Variants in AMBRA1 observed in about 807,000 individuals in gnomAD.
AMBRA1 encodes the protein autophagy and beclin 1 regulator 1, also known as activating molecule in BECN1-regulated autophagy protein 1.
In AMBRA1, 47 loss-of-function variants were observed where a neutral mutation model predicts 125.4. The ratio of observed to expected loss-of-function variants is 0.37; its 90% CI spans 0.30 to 0.48. The LOEUF (loss-of-function observed/expected upper bound fraction) is 0.48. Among genes scored for constraint, AMBRA1 ranks in the 20% least tolerant of loss-of-function variants. The pLI, the probability that AMBRA1 is intolerant of heterozygous loss-of-function variation, is 0.99. For missense variants in AMBRA1, 1,331 were observed against 1,693.4 expected (o/e 0.79, Z 3.76); for synonymous variants, 626 against 655.5 (o/e 0.95, Z 0.69).
At chr11:46,548,700 A>G (rs2042898497) in intron 1 of AMBRA1, among the ~76,000 whole-genome samples, 200 bp from the exon 2 acceptor site, 1 of 152,256 alleles carries the variant, frequency 6.6e-6, no homozygotes, top group Non-Finnish European at 1.5e-5. Context: ...TTGTAGCTAA[A>G]GAAAGGATCA....
intron 1 of AMBRA1, among the ~76,000 whole-genome samples, chr11:46,589,442 G>T (rs1023705413): frequency 1.3e-5 from 2 of 152,074 alleles, no homozygotes; most frequent in Admixed American, 6.6e-5. Flanking sequence ...TGTGATTAAA[G>T]GAACCTAAGT....
intron 11 of AMBRA1, among the ~76,000 whole-genome samples, chr11:46,457,847 A>G (rs894451585): frequency 2.0e-5 from 3 of 150,406 alleles, no homozygotes; most frequent in Admixed American, 6.7e-5. Context: ...TGGAGGTTGC[A>G]GTGAGTCGAG....
chr11:46,565,578 G>A (rs2043493450), intron 1 of AMBRA1, among the ~76,000 whole-genome samples: 1 of 151,940 alleles, frequency 6.6e-6, no homozygotes, highest in African/African-American at 2.4e-5. Context: ...GTGGTGGCAT[G>A]TACCTGCGGT....
chr11:46,438,061 G>A (rs1019111811), intron 12 of AMBRA1, among the ~76,000 whole-genome samples: 2 of 152,096 alleles, frequency 1.3e-5, no homozygotes, highest in Admixed American at 6.6e-5. Context: ...TGAGAAATGC[G>A]ACCTTGTCAA....
intron 1 of AMBRA1, among the ~76,000 whole-genome samples, chr11:46,585,993 AG>A (rs2044385889): frequency 6.6e-6 from 1 of 151,412 alleles, no homozygotes; most frequent in African/African-American, 2.4e-5. Context: ...TAGCAGAGAC[AG>A]GGTTTCTCCA....
chr11:46,483,868 C>T (rs532246278), intron 11 of AMBRA1, among the ~76,000 whole-genome samples: 2 of 151,416 alleles, frequency 1.3e-5, no homozygotes, highest in African/African-American at 4.9e-5. Context: ...CCAGCCTGGG[C>T]AACAAAGTGA....
At chr11:46,431,937 T>C (rs1384535508) in intron 14 of AMBRA1, among the ~76,000 whole-genome samples, 1 of 152,202 alleles carries the variant, frequency 6.6e-6, no homozygotes, top group African/African-American at 2.4e-5. Flanking sequence ...GAATGACTTG[T>C]TTTCCTTTCA....
intron 4 of AMBRA1, 149 bp from the exon 5 acceptor site, chr11:46,545,925 C>CT: frequency 1.5e-6 from 1 of 678,712 alleles, no homozygotes; most frequent in Non-Finnish European, 2.5e-6. Context: ...AGAAGATCAG[C>CT]GATCTGGTAG....
intron 1 of AMBRA1, among the ~76,000 whole-genome samples, chr11:46,565,176 T>C (rs894717317): frequency 6.6e-6 from 1 of 151,852 alleles, no homozygotes; most frequent in African/African-American, 2.4e-5. Flanking sequence ...AGAAATCACT[T>C]GAGCCCAGGA....
At position 46,548,134 on chromosome 11, in the gene AMBRA1, A is replaced by G. The variant is rs967804520; in HGVS notation, c.135+112T>C. 34 of 1,462,072 alleles carry G rather than the reference A, an allele frequency of 2.3e-5. No homozygotes were observed. In the Middle Eastern group the frequency reaches 9.0e-4, roughly 39 times the overall value. The allele number at this position is 1,462,072 out of a possible 1,614,324, so 90.6% of individuals were successfully genotyped here. A position where few individuals can be genotyped will look rare whatever the true frequency, so the allele number is the denominator to read the frequency against. On this transcript the variant is annotated intron_variant, in intron 2 of 17. Coordinates refer to ENST00000683756, the MANE Select transcript of AMBRA1 (RefSeq NM_001387011.1). The stretch of plus-strand genomic sequence containing the variant: ...ACAACTCCCTAAGTCAGATATGTCA[A>G]CTCTCCCACACAAGATAAATATATC...
chr11:46,587,902 C>T (rs904211648), intron 1 of AMBRA1, among the ~76,000 whole-genome samples: 2 of 152,014 alleles, frequency 1.3e-5, no homozygotes, highest in Non-Finnish European at 2.9e-5. Flanking sequence ...AGCTCCACAA[C>T]GTCTGATGGG....
intron 1 of AMBRA1, among the ~76,000 whole-genome samples, chr11:46,586,447 CT>C (rs956085367): frequency 3.3e-5 from 5 of 151,470 alleles, no homozygotes; most frequent in African/African-American, 4.8e-5. Flanking sequence ...CATCTTTTTA[CT>C]TTTTTTTTCC....
Position 46,410,369 on chromosome 11 carries a change from C to T in AMBRA1, c.3117-1G>A. ...GTACTCAACACCAGAGTTTAAGGCC[C>T]TAAAAATCAGTTGGGAAGGGTAAAG... On this transcript the variant is annotated splice_acceptor_variant, in intron 15 of 17. Transcript: ENST00000683756. LOFTEE classifies it high-confidence loss of function. 6.2e-7 allele frequency: 1 copy of T among 1,613,574 alleles called. No homozygotes were observed. The highest frequency in any genetic ancestry group is 8.5e-7 in the Non-Finnish European group (1 of 1,179,624).
At chr11:46,543,850 A>T in intron 6 of AMBRA1, 125 bp downstream of exon 6, 1 of 825,592 alleles carries the variant, frequency 1.2e-6, no homozygotes, top group Non-Finnish European at 2.0e-6. Flanking sequence ...AGCTAGCTTT[A>T]AATCTTGACT....
Position 46,549,905 on chromosome 11 carries a change from G to C in AMBRA1, c.-120-1405C>G, listed in dbSNP as rs977385837. 5.3e-5 allele frequency among the ~76,000 whole-genome samples: 8 copies of C among 152,054 alleles called. No individual in the cohort carries two copies. The East Asian group carries it at 1.3e-3, about 26-fold the overall frequency. ...GCAATCTCGGCTCACTGCAACCTCTGCCTCCTGGGTTCATGCAATTCTCCT... is the reference window on the plus strand; with the variant it reads ...GCAATCTCGGCTCACTGCAACCTCTCCCTCCTGGGTTCATGCAATTCTCCT... On this transcript the variant is annotated intron_variant, in intron 1 of 17. Coordinates refer to ENST00000683756, the MANE Select transcript of AMBRA1 (RefSeq NM_001387011.1).
At position 46,568,452 on chromosome 11, in the gene AMBRA1, C is replaced by CAAAAACA. The variant is rs1191233437; in HGVS notation, c.-120-19959_-120-19953dup. Among the ~76,000 whole-genome samples the CAAAAACA allele has an allele frequency of 6.7e-4, 101 of 150,650 alleles. 1 individual carries two copies. Among genetic ancestry groups the CAAAAACA allele is most frequent in the South Asian group, 4.8e-3 (23 of 4,758 alleles). On this transcript the variant is annotated intron_variant, in intron 1 of 17. Transcript: ENST00000683756. ...CAGCTTGGGTGACAAGAGAGAAACT[C>CAAAAACA]AAAAACAAAAAACAAAAAACAAAAA...
intron 11 of AMBRA1, among the ~76,000 whole-genome samples, chr11:46,468,002 C>A (rs1949400507): frequency 6.6e-6 from 1 of 152,086 alleles, no homozygotes; most frequent in Admixed American, 6.5e-5. Context: ...TCAATCAGGG[C>A]TAGAATAGTG....
At chr11:46,544,100 G>A in intron 5 of AMBRA1, 59 bp from the exon 6 acceptor site, 4 of 1,376,928 alleles carry the variant, frequency 2.9e-6, no homozygotes, top group Middle Eastern at 3.6e-4. Flanking sequence ...TAACTGAGAA[G>A]AGGAAACTTG....
At chr11:46,415,613 T>A (rs918038271) in intron 15 of AMBRA1, among the ~76,000 whole-genome samples, 2 of 152,180 alleles carry the variant, frequency 1.3e-5, no homozygotes, top group African/African-American at 4.8e-5. Flanking sequence ...ATGGTACCCT[T>A]ACATTTTGGG....
Sources: gnomAD v4.1 joint callset for allele counts (sites outside exome capture counted in the v4.1 genomes callset) on GRCh38, gnomAD v4.1.1 for gene constraint, MANE v1.5 for transcripts, NCBI Gene and HGNC (gene_info 2026-07-23, HGNC 2026-07-21) for gene names.